The following PRKCZ variants were observed in gnomAD, a reference collection of about 807,000 sequenced individuals.
PRKCZ encodes protein kinase C zeta type.
PRKCZ carries 33 observed loss-of-function variants against 79.5 expected under a neutral mutation model. The ratio of observed to expected loss-of-function variants is 0.41; its 90% CI spans 0.31 to 0.55. PRKCZ has a LOEUF of 0.55. Ranked by LOEUF, PRKCZ falls within the 20% of genes least tolerant of loss-of-function variation. The probability of loss-of-function intolerance (pLI) is 0.19; values close to 1 mark genes in which losing one functional copy is unlikely to be tolerated. For synonymous variants in PRKCZ, 342 were observed against 320.9 expected (o/e 1.07, Z -0.70); for missense variants, 578 against 813.5 (o/e 0.71, Z 3.52).
chr1:2,102,295 A>G (rs1396046973), intron 4 of PRKCZ, among the ~76,000 whole-genome samples: 1 of 148,210 alleles, frequency 6.7e-6, no homozygotes, highest in Non-Finnish European at 1.5e-5. Flanking sequence ...TGTGAAGCCT[A>G]GTACACGTTT....
intron 5 of PRKCZ, among the ~76,000 whole-genome samples, chr1:2,138,014 C>T (rs1034298566): frequency 5.9e-5 from 9 of 152,284 alleles, no homozygotes; most frequent in East Asian, 1.9e-4. Context: ...TAATTGTGCC[C>T]GGGCTCTGAT....
chr1:2,082,302 G>T lies in PRKCZ; in HGVS notation c.334+22711G>T. On this transcript the variant is annotated intron_variant, in intron 4 of 17. Coordinates refer to ENST00000378567, the MANE Select transcript of PRKCZ (RefSeq NM_002744.6). This position sits in a 1 kb window ranked among gnomAD's most constrained non-coding sequence, Gnocchi z 4.4. The stretch of plus-strand genomic sequence containing the variant: ...ATCACACGTGCAGGAGCTGGGGGCT[G>T]CCAGAGCGGCTGTTCAAGATGGACT... The T allele has an allele frequency of 2.2e-6, 1 of 446,480 alleles. No individual in the cohort carries two copies. The highest frequency in any genetic ancestry group is 4.5e-6 in the Non-Finnish European group (1 of 221,922). 27.7% of individuals were successfully genotyped at this position (446,480 alleles called of 1,614,324 possible). A position where few individuals can be genotyped will look rare whatever the true frequency, so the allele number is the denominator to read the frequency against.
rs531140807 is a variant in PRKCZ at position 2,144,803 on chromosome 1, G to T, written c.552+462G>T. The T allele has an allele frequency of 1.7e-5, 4 of 237,034 alleles. No homozygotes were observed. The Admixed American group carries it at 1.8e-4, about 11-fold the overall frequency. The allele number at this position is 237,034 out of a possible 1,614,324, so 14.7% of individuals were successfully genotyped here. On this transcript the variant is annotated intron_variant, in intron 6 of 17. Coordinates refer to ENST00000378567, the MANE Select transcript of PRKCZ (RefSeq NM_002744.6). ...GCGGCACCTTCCCTCCGCCATCCCC[G>T]AGTGCTTGGACTTGAAGCATCCAGG...
At chr1:2,096,894 G>A (rs1031544287) in intron 4 of PRKCZ, among the ~76,000 whole-genome samples, 39 of 152,224 alleles carry the variant, frequency 2.6e-4, no homozygotes, top group African/African-American at 8.9e-4. Context: ...GGCCCCTTGA[G>A]GCTGAACCTG....
chr1:2,108,868 A>G (rs780031479), intron 4 of PRKCZ, among the ~76,000 whole-genome samples: 1 of 152,144 alleles, frequency 6.6e-6, no homozygotes, highest in Non-Finnish European at 1.5e-5. Flanking sequence ...GATGGAGCTC[A>G]CTGGGCCAAA....
intron 16 of PRKCZ, chr1:2,182,164 T>G (rs1199642816): frequency 4.3e-6 from 1 of 230,406 alleles, no homozygotes. Context: ...CAAAAGCCTA[T>G]GAGGGTTTTT....
chr1:2,082,225 T>C lies in PRKCZ; in HGVS notation c.334+22634T>C, dbSNP rs2102400710. On this transcript the variant is annotated intron_variant, in intron 4 of 17. Coordinates refer to ENST00000378567, the MANE Select transcript of PRKCZ (RefSeq NM_002744.6). This position sits in a 1 kb window ranked among gnomAD's most constrained non-coding sequence, Gnocchi z 4.4. ...CTCTGTCCCGCCTGTTGTGTGCGCCTTTTCCCTGCTCCAGGGCTGTGTATT... is the reference window on the plus strand; with the variant it reads ...CTCTGTCCCGCCTGTTGTGTGCGCCCTTTCCCTGCTCCAGGGCTGTGTATT... 2.7e-6 allele frequency: 1 copy of C among 367,722 alleles called. No homozygotes were observed. The highest frequency in any genetic ancestry group is 5.3e-6 in the Non-Finnish European group (1 of 187,574). 22.8% of individuals were successfully genotyped at this position (367,722 alleles called of 1,614,324 possible). A position where few individuals can be genotyped will look rare whatever the true frequency, so the allele number is the denominator to read the frequency against.
Position 2,172,039 on chromosome 1 carries a change from G to T in PRKCZ, c.1062-16G>T, listed in dbSNP as rs777738700. On this transcript the variant is annotated splice_polypyrimidine_tract_variant and intron_variant, in intron 11 of 17. Transcript: ENST00000378567. This position sits in a 1 kb window ranked among gnomAD's most constrained non-coding sequence, Gnocchi z 7.8. ...TGGCACAGGCACTGCCCCCATGACG[G>T]CATCCCCACCCCCAGGTTCTACGCG... 1 of 1,586,126 alleles carries T rather than the reference G, an allele frequency of 6.3e-7. No homozygotes were observed.
chr1:2,058,786 C>T (rs985282275), intron 3 of PRKCZ, among the ~76,000 whole-genome samples: 1 of 152,170 alleles, frequency 6.6e-6, no homozygotes, highest in South Asian at 2.1e-4. Context: ...ATCCCAGCTA[C>T]TTGGGAGGCT....
At chr1:2,133,426 T>C (rs894430078) in intron 4 of PRKCZ, among the ~76,000 whole-genome samples, 9 of 145,822 alleles carry the variant, frequency 6.2e-5, no homozygotes, top group African/African-American at 2.1e-4. Context: ...GTTCCTCAGC[T>C]CAGTCCCCAA....
At position 2,185,322 on chromosome 1, in the gene PRKCZ, G is replaced by A. The variant is rs1006027187; in HGVS notation, c.*313G>A. On this transcript the variant is annotated 3_prime_UTR_variant, in exon 18 of 18. Coordinates refer to ENST00000378567, the MANE Select transcript of PRKCZ (RefSeq NM_002744.6). Reference sequence around the variant, plus strand: ...CACATTTTCCACGGAAACAGAACTCGATGCACTGACCTGCTCCGCCAGGAA... The same window carrying A: ...CACATTTTCCACGGAAACAGAACTCAATGCACTGACCTGCTCCGCCAGGAA... 7 of 718,620 alleles carry A rather than the reference G, an allele frequency of 9.7e-6. No homozygotes were observed. The East Asian group carries it at 1.1e-4, about 11-fold the overall frequency. 44.5% of individuals were successfully genotyped at this position (718,620 alleles called of 1,614,324 possible).
intron 10 of PRKCZ, among the ~76,000 whole-genome samples, chr1:2,167,055 G>A (rs1394711004): frequency 6.6e-6 from 1 of 152,242 alleles, no homozygotes; most frequent in East Asian, 1.9e-4. Flanking sequence ...GATTGTCCTG[G>A]TGGGTTTTTG....
chr1:2,175,418 C>T (rs1685270429), intron 16 of PRKCZ, 105 bp downstream of exon 16: 1 of 903,100 alleles, frequency 1.1e-6, no homozygotes, highest in African/African-American at 1.8e-5. Context: ...ACCCCCACCC[C>T]ACCCCATCCG....
intron 16 of PRKCZ, among the ~76,000 whole-genome samples, chr1:2,175,625 T>C (rs1572015117): frequency 6.8e-6 from 1 of 146,184 alleles, no homozygotes; most frequent in East Asian, 2.1e-4. Flanking sequence ...GTGGGCCGGG[T>C]GGGCTGTGTG....
intron 11 of PRKCZ, among the ~76,000 whole-genome samples, chr1:2,170,874 T>A (rs540916781): frequency 5.0e-4 from 76 of 152,360 alleles, no homozygotes; most frequent in South Asian, 8.3e-4. Context: ...GGGGCCACAC[T>A]TTGCTTATCC....
In PRKCZ at chr1:2,172,006, G is replaced by C. The variant is rs370941989; in HGVS notation, c.1062-49G>C. 1 of 1,540,092 alleles carries C rather than the reference G, an allele frequency of 6.5e-7. No homozygotes were observed. The highest frequency in any genetic ancestry group is 8.7e-7 in the Non-Finnish European group (1 of 1,144,570). On this transcript the variant is annotated intron_variant, in intron 11 of 17. Coordinates refer to ENST00000378567, the MANE Select transcript of PRKCZ (RefSeq NM_002744.6). This position sits in a 1 kb window ranked among gnomAD's most constrained non-coding sequence, Gnocchi z 7.8. ...TGGCCCCCAGGCTGGAGCTGTTGGC[G>C]CAGCCTCTGGCACAGGCACTGCCCC...
chr1:2,128,269 C>T lies in PRKCZ; in HGVS notation c.335-6993C>T, dbSNP rs1450584141. Among the ~76,000 whole-genome samples the T allele has an allele frequency of 6.6e-6, 1 of 152,244 alleles. No individual in the cohort carries two copies. The highest frequency in any genetic ancestry group is 1.5e-5 in the Non-Finnish European group (1 of 68,032). On this transcript the variant is annotated intron_variant, in intron 4 of 17. Coordinates refer to ENST00000378567, the MANE Select transcript of PRKCZ (RefSeq NM_002744.6). This position sits in a 1 kb window ranked among gnomAD's most constrained non-coding sequence, Gnocchi z 6.5. ...CCCATCCGGGCCCCGCAGGGCCGTC[C>T]TGTGGCACTGCTTTGGGCTGTGCTG...
At chr1:2,071,404 A>G (rs1188293517) in intron 4 of PRKCZ, 1 of 413,654 alleles carries the variant, frequency 2.4e-6, no homozygotes, top group African/African-American at 2.1e-5. Context: ...CCGCCTGTGG[A>G]ACAGTGGGGA....
At chr1:2,054,409 G>A (rs1659963459) in intron 1 of PRKCZ, among the ~76,000 whole-genome samples, 1 of 152,118 alleles carries the variant, frequency 6.6e-6, no homozygotes, top group South Asian at 2.1e-4. Context: ...ACCAGCTCTT[G>A]CTCAGTGCAG....
Sources: allele counts gnomAD v4.1 joint callset (sites outside exome capture counted in the v4.1 genomes callset), GRCh38; gene constraint gnomAD v4.1.1; non-coding constraint Gnocchi (gnomAD v3.1); transcripts MANE v1.5; gene names NCBI Gene and HGNC (gene_info 2026-07-23, HGNC 2026-07-21).